The following AIMP1 variants were observed in gnomAD, a reference collection of about 807,000 sequenced individuals.
AIMP1 encodes the protein aminoacyl tRNA synthase complex-interacting multifunctional protein 1.
AIMP1 carries 24 observed loss-of-function variants against 33.1 expected under a neutral mutation model. That is an observed-to-expected ratio of 0.73 (90% CI 0.53 to 1.02). AIMP1 has a LOEUF of 1.02. Ranked by LOEUF, AIMP1 falls within the 50% of genes least tolerant of loss-of-function variation. The pLI, the probability that AIMP1 is intolerant of heterozygous loss-of-function variation, is 0.00. For synonymous variants in AIMP1, 120 were observed against 121.5 expected, an observed-to-expected ratio of 0.99 and a Z score of 0.08; for missense variants, 367 against 364.8, an observed-to-expected ratio of 1.01 and a Z score of -0.05.
chr4:106,328,350 T>C (rs2125922391), intron 4 of AIMP1, 107 bp downstream of exon 4: 1 of 1,329,924 alleles, frequency 7.5e-7, no homozygotes, highest in Admixed American at 2.1e-5. Context: ...TCAACTTTCA[T>C]GAGCTAGGAT....
intron 1 of AIMP1, among the ~76,000 whole-genome samples, chr4:106,319,945 G>A (rs936052965): frequency 3.9e-5 from 6 of 152,086 alleles, no homozygotes; most frequent in Admixed American, 2.6e-4. Flanking sequence ...TTCAATCCTC[G>A]TTTACTATGT....
chr4:106,336,225 G>A (rs1212435203), intron 5 of AIMP1, among the ~76,000 whole-genome samples: 1 of 146,254 alleles, frequency 6.8e-6, no homozygotes, highest in Non-Finnish European at 1.5e-5. Flanking sequence ...TAGAGACTGG[G>A]TTTTGCCATT....
In AIMP1 at chr4:106,348,293, C is replaced by G. The variant is rs1390722119; in HGVS notation, c.*601C>G. On this transcript the variant is annotated 3_prime_UTR_variant, in exon 7 of 7. Transcript: ENST00000672341. ...CAATTTTTTTAAAAAACTGAGATTTCCTACTGGCTTGAAGTTTTTCTATTT... is the reference window on the plus strand; with the variant it reads ...CAATTTTTTTAAAAAACTGAGATTTGCTACTGGCTTGAAGTTTTTCTATTT... 1 of 152,058 alleles carries G rather than the reference C, an allele frequency of 6.6e-6. No homozygotes were observed. Among genetic ancestry groups the G allele is most frequent in the Non-Finnish European group, 1.5e-5 (1 of 68,018 alleles). 9.4% of individuals were successfully genotyped at this position (152,058 alleles called of 1,614,324 possible).
intron 1 of AIMP1, among the ~76,000 whole-genome samples, chr4:106,319,657 C>T (rs1443677379): frequency 1.3e-5 from 2 of 152,310 alleles, no homozygotes; most frequent in Admixed American, 6.5e-5. Context: ...CTGTGCTTCT[C>T]TCTTCATAAA....
In AIMP1 at chr4:106,348,860, C is replaced by T. The variant is rs1267905828; in HGVS notation, c.*1168C>T. The stretch of plus-strand genomic sequence containing the variant: ...AACAAAAGAATGGCATCAATAGAGG[C>T]AGAAGTATAGACATTGTTTTAAAAA... On this transcript the variant is annotated 3_prime_UTR_variant, in exon 7 of 7. Transcript: ENST00000672341. 2 of 151,908 alleles carry T rather than the reference C, an allele frequency of 1.3e-5. No homozygotes were observed. Among genetic ancestry groups the T allele is most frequent in the Non-Finnish European group, 2.9e-5 (2 of 67,936 alleles). 9.4% of individuals were successfully genotyped at this position (151,908 alleles called of 1,614,324 possible). A position where few individuals can be genotyped will look rare whatever the true frequency, so the allele number is the denominator to read the frequency against.
intron 4 of AIMP1, 76 bp downstream of exon 4, chr4:106,328,319 T>C (rs568585413): frequency 8.8e-6 from 13 of 1,477,506 alleles, no homozygotes; most frequent in African/African-American, 8.4e-5. Flanking sequence ...ATGATAATAA[T>C]AATAGTATCA....
At position 106,331,663 on chromosome 4, in the gene AIMP1, A is replaced by G; in HGVS notation, c.392-9A>G. The G allele has an allele frequency of 6.2e-7, 1 of 1,613,240 alleles. No homozygotes were observed. The highest frequency in any genetic ancestry group is 1.1e-5 in the South Asian group (1 of 91,066). On this transcript the variant is annotated splice_polypyrimidine_tract_variant and intron_variant, in intron 4 of 6. Transcript: ENST00000672341. The stretch of plus-strand genomic sequence containing the variant: ...TTCTGATGTTTACCCATTCATAAAT[A>G]CTTTTTAGGAGAGAAGAAGGAGAAA...
chr4:106,342,569 A>G (rs1294381696), intron 6 of AIMP1, among the ~76,000 whole-genome samples: 4 of 152,186 alleles, frequency 2.6e-5, no homozygotes, highest in African/African-American at 9.7e-5. Flanking sequence ...AATTCTATTT[A>G]TGTGGTGAAC....
At chr4:106,346,569 C>T (rs1023674866) in intron 6 of AIMP1, among the ~76,000 whole-genome samples, 13 of 152,136 alleles carry the variant, frequency 8.5e-5, no homozygotes, top group Non-Finnish European at 1.9e-4. Flanking sequence ...TGTTTCTTTA[C>T]ATCTCACCGA....
intron 6 of AIMP1, among the ~76,000 whole-genome samples, chr4:106,341,034 T>C (rs1405733819): frequency 6.6e-6 from 1 of 152,232 alleles, no homozygotes; most frequent in African/African-American, 2.4e-5. Flanking sequence ...TTGATATTTG[T>C]TGGCGACATA....
chr4:106,345,152 A>AT (rs1189973016), intron 6 of AIMP1, among the ~76,000 whole-genome samples: 1 of 152,150 alleles, frequency 6.6e-6, no homozygotes, highest in East Asian at 1.9e-4. Context: ...GAGAAGGTTA[A>AT]TTTTGTGCTG....
At chr4:106,333,948 A>T (rs1353732456) in intron 5 of AIMP1, among the ~76,000 whole-genome samples, 3 of 152,158 alleles carry the variant, frequency 2.0e-5, no homozygotes, top group Admixed American at 2.0e-4. Context: ...TATGGTTTTT[A>T]AAAAATCTAG....
At chr4:106,318,978 T>C (rs1769093072) in intron 1 of AIMP1, among the ~76,000 whole-genome samples, 1 of 152,130 alleles carries the variant, frequency 6.6e-6, no homozygotes, top group Non-Finnish European at 1.5e-5. Context: ...ATAATAGAGC[T>C]TCTTGGGATT....
intron 5 of AIMP1, among the ~76,000 whole-genome samples, chr4:106,336,242 A>G (rs955601787): frequency 1.4e-5 from 2 of 147,424 alleles, no homozygotes; most frequent in African/African-American, 5.0e-5. Context: ...CATTTTGCCC[A>G]TGCTGGTCTC....
chr4:106,331,112 G>A (rs1002384843), intron 4 of AIMP1, among the ~76,000 whole-genome samples: 1 of 152,160 alleles, frequency 6.6e-6, no homozygotes, highest in African/African-American at 2.4e-5. Context: ...ATATAAGTGA[G>A]GAGGAAAATA....
At chr4:106,319,404 T>C (rs1010454869) in intron 1 of AIMP1, among the ~76,000 whole-genome samples, 1 of 152,200 alleles carries the variant, frequency 6.6e-6, no homozygotes, top group Non-Finnish European at 1.5e-5. Context: ...TATAAATTCA[T>C]GTACAGTATT....
At chr4:106,319,172 C>T (rs920482381) in intron 1 of AIMP1, among the ~76,000 whole-genome samples, 1 of 152,064 alleles carries the variant, frequency 6.6e-6, no homozygotes, top group Non-Finnish European at 1.5e-5. Flanking sequence ...AAAAGTCTGC[C>T]TGTAAAACTT....
intron 3 of AIMP1, 152 bp from the exon 4 acceptor site, chr4:106,327,924 G>A (rs1769516755): frequency 8.2e-7 from 1 of 1,212,826 alleles, no homozygotes; most frequent in African/African-American, 1.5e-5. Context: ...TTTTTTGGCA[G>A]CCATTTTATA....
At chr4:106,316,648 G>GGGGT in intron 1 of AIMP1, 54 bp downstream of exon 1, 3 of 1,533,058 alleles carry the variant, frequency 2.0e-6, no homozygotes, top group Non-Finnish European at 2.6e-6. Context: ...TGCGATCGTA[G>GGGGT]GGGTCTTCCT....
Sources: gnomAD v4.1 joint callset for allele counts (sites outside exome capture counted in the v4.1 genomes callset) on GRCh38, gnomAD v4.1.1 for gene constraint, MANE v1.5 for transcripts, NCBI Gene and HGNC (gene_info 2026-07-23, HGNC 2026-07-21) for gene names.